The following LRP2BP variants were observed in gnomAD, a reference collection of about 807,000 sequenced individuals.
The protein encoded by LRP2BP is LRP2 binding protein.
A neutral mutation model predicts 45.2 loss-of-function variants in LRP2BP; 38 were observed. The ratio of observed to expected loss-of-function variants is 0.84; its 90% CI spans 0.65 to 1.10. The LOEUF (loss-of-function observed/expected upper bound fraction) is 1.10, where lower values mean the gene tolerates loss of function less well. Among genes scored for constraint, LRP2BP ranks in the 50% least tolerant of loss-of-function variants. The pLI, the probability that LRP2BP is intolerant of heterozygous loss-of-function variation, is 0.00. For synonymous variants in LRP2BP, 153 were observed against 153.9 expected (o/e 0.99, Z 0.04); for missense variants, 385 against 418.9 (o/e 0.92, Z 0.71).
In LRP2BP at chr4:185,377,240, G is replaced by A. The variant is rs577056163; in HGVS notation, c.107-222C>T. On this transcript the variant is annotated intron_variant, in intron 2 of 8. Transcript: ENST00000505916. ...CTTGTGTAATAAAGCAATACTGGCC[G>A]GGCGCGGTGGCTCACGCCTGTAAAT... The A allele has an allele frequency of 3.7e-4, 178 of 475,890 alleles. 1 individual carries two copies. The highest frequency in any genetic ancestry group is 3.2e-3 in the African/African-American group (166 of 51,778). 29.5% of individuals were successfully genotyped at this position (475,890 alleles called of 1,614,324 possible).
intron 2 of LRP2BP, 97 bp downstream of exon 2, chr4:185,377,984 T>C: frequency 1.0e-6 from 1 of 998,556 alleles, no homozygotes; most frequent in Non-Finnish European, 1.5e-6. Flanking sequence ...TTCCTTGAAA[T>C]CAATAAAACA....
intron 1 of LRP2BP, among the ~76,000 whole-genome samples, chr4:185,381,394 T>G (rs2095455724): frequency 6.6e-6 from 1 of 152,218 alleles, no homozygotes; most frequent in Admixed American, 6.5e-5. Flanking sequence ...TCCTGAAAAT[T>G]TATACATGTT....
At chr4:185,373,589 C>T (rs187013014) in intron 6 of LRP2BP, among the ~76,000 whole-genome samples, 1 of 152,334 alleles carries the variant, frequency 6.6e-6, no homozygotes, top group East Asian at 1.9e-4. Flanking sequence ...TAAAAAATTC[C>T]AGATGGCTGC....
intron 6 of LRP2BP, among the ~76,000 whole-genome samples, chr4:185,373,838 T>C (rs2095424235): frequency 6.6e-6 from 1 of 152,230 alleles, no homozygotes. Context: ...ACGGTAATAT[T>C]CATCTGTTCA....
At chr4:185,379,848 C>T (rs58462956) in intron 1 of LRP2BP, among the ~76,000 whole-genome samples, 10,369 of 152,124 alleles carry the variant, frequency 0.068, 506 homozygotes, top group African/African-American at 0.13. Context: ...GACAGCGTCT[C>T]ACTCTGTCAT....
intron 1 of LRP2BP, among the ~76,000 whole-genome samples, chr4:185,382,776 GTTTTTC>G (rs2095459290): frequency 6.6e-6 from 1 of 152,124 alleles, no homozygotes; most frequent in Non-Finnish European, 1.5e-5. Context: ...ATGTGTGGAT[GTTTTTC>G]TTTAACAGTT....
At chr4:185,393,565 A>T (rs2126855192) in intron 1 of LRP2BP, among the ~76,000 whole-genome samples, 1 of 149,494 alleles carries the variant, frequency 6.7e-6, no homozygotes, top group African/African-American at 2.5e-5. Flanking sequence ...TGCTCTTGTC[A>T]CCCAGGCTGG....
chr4:185,375,252 T>A (rs1301383220), intron 4 of LRP2BP, among the ~76,000 whole-genome samples: 1 of 150,444 alleles, frequency 6.6e-6, no homozygotes, highest in Admixed American at 6.6e-5. Context: ...ATTTTTGTAT[T>A]TTTAGTAGAG....
chr4:185,371,540 TAAAAAAAA>T (rs11288148), intron 7 of LRP2BP, among the ~76,000 whole-genome samples: 3 of 78,302 alleles, frequency 3.8e-5, no homozygotes, highest in Non-Finnish European at 7.4e-5. Flanking sequence ...AGACTCCGTC[TAAAAAAAA>T]AAAAAAAAAA....
chr4:185,392,915 G>A (rs768216257), intron 1 of LRP2BP, among the ~76,000 whole-genome samples: 2 of 152,126 alleles, frequency 1.3e-5, no homozygotes, highest in Non-Finnish European at 2.9e-5. Context: ...TGTGAAACCA[G>A]GCCAGCTACT....
Position 185,395,278 on chromosome 4 carries a change from G to A in LRP2BP, c.-521C>T, listed in dbSNP as rs2095498856. 1 of 985,308 alleles carries A rather than the reference G, an allele frequency of 1.0e-6. No homozygotes were observed. The highest frequency in any genetic ancestry group is 6.1e-5 in the Admixed American group (1 of 16,262). 61.0% of individuals were successfully genotyped at this position (985,308 alleles called of 1,614,324 possible). A position where few individuals can be genotyped will look rare whatever the true frequency, so the allele number is the denominator to read the frequency against. ...CAAAGAAAAGATATGAAATATGGAG[G>A]CACTTTCACCACACAAATATCCCAC... On this transcript the variant is annotated 5_prime_UTR_variant, in exon 1 of 9. Transcript: ENST00000505916.
intron 1 of LRP2BP, among the ~76,000 whole-genome samples, chr4:185,384,752 A>G (rs917519494): frequency 2.6e-5 from 4 of 151,880 alleles, no homozygotes; most frequent in Admixed American, 6.6e-5. Context: ...TAAAAACCCC[A>G]TAGTGTTCAT....
At chr4:185,378,472 A>G (rs910936160) in intron 1 of LRP2BP, 2 of 1,203,708 alleles carry the variant, frequency 1.7e-6, no homozygotes, top group Non-Finnish European at 1.0e-6. Context: ...CTGTCTGGCT[A>G]TGGGTTTATA....
At chr4:185,380,441 A>G (rs1287997103) in intron 1 of LRP2BP, among the ~76,000 whole-genome samples, 1 of 152,096 alleles carries the variant, frequency 6.6e-6, no homozygotes, top group Non-Finnish European at 1.5e-5. Context: ...ATTCCCCACC[A>G]GCTTCTGGTG....
Position 185,395,795 on chromosome 4 carries a change from G to A in LRP2BP, c.-1038C>T. On this transcript the variant is annotated 5_prime_UTR_variant, in exon 1 of 9. It adds an upstream start codon to the 5' untranslated region. Coordinates refer to ENST00000505916, the MANE Select transcript of LRP2BP (RefSeq NM_001377440.1). ...GTTTTCTAACAGCATAACAATAAAC[G>A]TATTTATTTCTCCGAGCTTTCAAAG... is the stretch of plus-strand genomic sequence containing the variant. 2 of 985,114 alleles carry A rather than the reference G, an allele frequency of 2.0e-6. No individual in the cohort carries two copies. The highest frequency in any genetic ancestry group is 2.4e-6 in the Non-Finnish European group (2 of 829,724). 61.0% of individuals were successfully genotyped at this position (985,114 alleles called of 1,614,324 possible).
upstream of LRP2BP, chr4:185,397,116 T>A (rs1232231727): frequency 1.7e-5 from 27 of 1,611,180 alleles, no homozygotes; most frequent in African/African-American, 2.7e-5. Flanking sequence ...TGGACAAAGG[T>A]GGGAAGGGTG....
Position 185,395,924 on chromosome 4 carries a change from T to C in LRP2BP, c.-1167A>G, listed in dbSNP as rs1050198918. The stretch of plus-strand genomic sequence containing the variant: ...TCTGGAAAGACGCTTAGGGAGAGTC[T>C]AGGGAGCAGCTCTGACGTCAGTAGC... On this transcript the variant is annotated 5_prime_UTR_variant, in exon 1 of 9. Transcript: ENST00000505916. The C allele has an allele frequency of 9.1e-6, 9 of 985,150 alleles. No individual in the cohort carries two copies. The highest frequency in any genetic ancestry group is 5.2e-5 in the African/African-American group (3 of 57,246). The allele number at this position is 985,150 out of a possible 1,614,324, so 61.0% of individuals were successfully genotyped here.
Position 185,367,270 on chromosome 4 carries a change from T to C in LRP2BP, c.979-25A>G, listed in dbSNP as rs1055484220. On this transcript the variant is annotated intron_variant, in intron 8 of 8. Transcript: ENST00000505916. ...CCTTAAAATCAAAAAGAGTCAGATA[T>C]TTAGATACATTCTAATTGTTTGGGT... 11 of 1,594,694 alleles carry C rather than the reference T, an allele frequency of 6.9e-6. No homozygotes were observed. The African/African-American group carries it at 1.2e-4, about 18-fold the overall frequency.
Position 185,367,245 on chromosome 4 carries a change from C to G in LRP2BP, c.979G>C (p.Ala327Pro). 3 of 1,609,170 alleles carry G rather than the reference C, an allele frequency of 1.9e-6. No individual in the cohort carries two copies. Among genetic ancestry groups the G allele is most frequent in the Non-Finnish European group, 2.5e-6 (3 of 1,177,420 alleles). Residue 327 changes from alanine (A) to proline (P), a missense_variant and splice_region_variant, in exon 9 of 9, where the codon GCT becomes CCT. By Grantham distance (27) the Ala-to-Pro change is conservative. Transcript: ENST00000505916. ...GCCAATGCGGGATTCAGACGACAAG[C>G]CTTAAAATCAAAAAGAGTCAGATAT... ...ETTAKHYYSKACRLNPALADE... is the reference protein window; with the variant it reads ...ETTAKHYYSKPCRLNPALADE...
Sources: allele counts gnomAD v4.1 joint callset (sites outside exome capture counted in the v4.1 genomes callset), GRCh38; gene constraint gnomAD v4.1.1; transcripts MANE v1.5; gene names NCBI Gene and HGNC (gene_info 2026-07-23, HGNC 2026-07-21).